The following HIBADH variants were observed in gnomAD, a reference collection of about 807,000 sequenced individuals.
HIBADH encodes 3-hydroxyisobutyrate dehydrogenase, also known as 3-hydroxyisobutyrate dehydrogenase, mitochondrial.
A neutral mutation model predicts 36.1 loss-of-function variants in HIBADH; 25 were observed. The ratio of observed to expected loss-of-function variants is 0.69; its 90% CI spans 0.50 to 0.97. The LOEUF (loss-of-function observed/expected upper bound fraction) is 0.97. Among genes scored for constraint, HIBADH ranks in the 50% least tolerant of loss-of-function variants. The pLI is 0.00. For missense variants in HIBADH, 421 were observed against 418.0 expected (o/e 1.01, Z -0.06); for synonymous variants, 160 against 149.5 (o/e 1.07, Z -0.51).
At chr7:27,592,726 T>C (rs1784959216) in intron 4 of HIBADH, among the ~76,000 whole-genome samples, 1 of 152,236 alleles carries the variant, frequency 6.6e-6, no homozygotes, top group Non-Finnish European at 1.5e-5. Flanking sequence ...TCCCAGCTTT[T>C]ACTCACACCC....
chr7:27,662,262 T>C (rs1786438108), intron 1 of HIBADH, among the ~76,000 whole-genome samples: 1 of 152,148 alleles, frequency 6.6e-6, no homozygotes, highest in Non-Finnish European at 1.5e-5. Context: ...CAGGCCCTGC[T>C]GCCCAAGTGT....
At position 27,531,333 on chromosome 7, in the gene HIBADH, T is replaced by C; in HGVS notation, c.711A>G (p.Pro237=). The change falls in exon 7 of 8, where the codon CCA becomes CCG. Residue 237 remains proline (P), a synonymous_variant. Transcript: ENST00000265395. ...MNLGIRLGLD[P]KLLAKILNMS... Reference sequence around the variant, plus strand: ...TATTTAGGATTTTAGCCAGTAGTTTTGGGTCAAGCCCTAACCTGTCAAAGG... The same window carrying C: ...TATTTAGGATTTTAGCCAGTAGTTTCGGGTCAAGCCCTAACCTGTCAAAGG... The C allele has an allele frequency of 6.2e-7, 1 of 1,612,938 alleles. No individual in the cohort carries two copies. The highest frequency in any genetic ancestry group is 1.7e-4 in the Middle Eastern group (1 of 6,056).
At chr7:27,622,861 G>T (rs1054647543) in intron 4 of HIBADH, among the ~76,000 whole-genome samples, 1 of 152,080 alleles carries the variant, frequency 6.6e-6, no homozygotes, top group African/African-American at 2.4e-5. Flanking sequence ...TAATCTTTTT[G>T]AAACTATTCC....
At chr7:27,566,035 T>C (rs1784543432) in intron 4 of HIBADH, among the ~76,000 whole-genome samples, 1 of 152,162 alleles carries the variant, frequency 6.6e-6, no homozygotes, top group South Asian at 2.1e-4. Flanking sequence ...CATGGCTGTA[T>C]TGTTCTTTTT....
intron 2 of HIBADH, among the ~76,000 whole-genome samples, chr7:27,638,259 G>C (rs886608727): frequency 9.1e-6 from 1 of 110,284 alleles, no homozygotes; most frequent in African/African-American, 3.5e-5. Flanking sequence ...ACAGAATAAA[G>C]TACAGAAACA....
intron 1 of HIBADH, among the ~76,000 whole-genome samples, chr7:27,661,585 CAAAAAA>C (rs61214015): frequency 6.0e-4 from 41 of 68,746 alleles, no homozygotes; most frequent in African/African-American, 1.7e-3. Context: ...GACCCTGTCT[CAAAAAA>C]AAAAAAAAAA....
chr7:27,526,343 G>A lies in HIBADH; in HGVS notation c.882C>T (p.Thr294=). 1.2e-6 allele frequency: 2 copies of A among 1,612,692 alleles called. No homozygotes were observed. Among genetic ancestry groups the A allele is most frequent in the Non-Finnish European group, 1.7e-6 (2 of 1,179,388 alleles). ...KDLGLAQDSA[T]STKSPILLGS... is the part of the protein sequence containing the mutation. ...CAAGAAGGATTGGGCTCTTTGTGCT[G>A]GTAGCAGAGTCTTGTGCCAATCCCA... is the stretch of plus-strand genomic sequence containing the variant. The change falls in exon 8 of 8, where the codon ACC becomes ACT. Residue 294 remains threonine (T), a synonymous_variant. Transcript: ENST00000265395.
intron 3 of HIBADH, among the ~76,000 whole-genome samples, chr7:27,631,050 G>T (rs532668446): frequency 1.6e-4 from 25 of 152,292 alleles, no homozygotes; most frequent in African/African-American, 5.8e-4. Flanking sequence ...GCAAATTATA[G>T]TTCAATGTAA....
At chr7:27,551,057 G>C (rs147279910) in intron 4 of HIBADH, among the ~76,000 whole-genome samples, 3 of 152,134 alleles carry the variant, frequency 2.0e-5, no homozygotes, top group African/African-American at 7.2e-5. Flanking sequence ...GCTCAGTTTG[G>C]CCAATCTACA....
intron 4 of HIBADH, among the ~76,000 whole-genome samples, chr7:27,560,788 A>G (rs1784452785): frequency 6.6e-6 from 1 of 152,178 alleles, no homozygotes; most frequent in Non-Finnish European, 1.5e-5. Flanking sequence ...TGCTATGAAC[A>G]TATGTGCTTT....
chr7:27,630,297 C>T (rs1233289114), intron 3 of HIBADH, among the ~76,000 whole-genome samples: 2 of 152,052 alleles, frequency 1.3e-5, no homozygotes, highest in Admixed American at 6.6e-5. Flanking sequence ...CCACCATACC[C>T]GTCTAAGTTT....
chr7:27,531,119 A>G (rs1283926631), intron 7 of HIBADH, 73 bp downstream of exon 7: 1 of 1,407,552 alleles, frequency 7.1e-7, no homozygotes, highest in African/African-American at 1.4e-5. Flanking sequence ...CTTTATTAAG[A>G]GAAAGAGAAG....
chr7:27,613,897 T>C (rs1417760004), intron 4 of HIBADH, among the ~76,000 whole-genome samples: 1 of 152,140 alleles, frequency 6.6e-6, no homozygotes, highest in Non-Finnish European at 1.5e-5. Context: ...TGGGCCCCAG[T>C]GATTTGCCCA....
In HIBADH at chr7:27,662,837, G is replaced by C; in HGVS notation, c.-49C>G. ...GGTGACCTCCGCCGCCTCCCGGAGG[G>C]CCCACAGACTGCGAGCGTGTGCAGC... is the stretch of plus-strand genomic sequence containing the variant. On this transcript the variant is annotated 5_prime_UTR_variant, in exon 1 of 8. Coordinates refer to ENST00000265395, the MANE Select transcript of HIBADH (RefSeq NM_152740.4). 1 of 1,361,022 alleles carries C rather than the reference G, an allele frequency of 7.3e-7. No individual in the cohort carries two copies. The highest frequency in any genetic ancestry group is 9.8e-7 in the Non-Finnish European group (1 of 1,023,268). The allele number at this position is 1,361,022 out of a possible 1,614,324, so 84.3% of individuals were successfully genotyped here.
At chr7:27,658,496 C>T (rs1339057615) in intron 1 of HIBADH, among the ~76,000 whole-genome samples, 2 of 152,164 alleles carry the variant, frequency 1.3e-5, no homozygotes, top group Non-Finnish European at 2.9e-5. Context: ...TTATCCGTAT[C>T]TTGATAACCT....
chr7:27,553,167 T>G (rs960087091), intron 4 of HIBADH, among the ~76,000 whole-genome samples: 48 of 152,128 alleles, frequency 3.2e-4, no homozygotes, highest in African/African-American at 1.1e-3. Flanking sequence ...AATAGAAAAG[T>G]TGTTAACTCT....
chr7:27,557,887 T>A (rs1403045413), intron 4 of HIBADH, among the ~76,000 whole-genome samples: 1 of 152,238 alleles, frequency 6.6e-6, no homozygotes, highest in Non-Finnish European at 1.5e-5. Context: ...GAAGACTACA[T>A]AAGATTTGTC....
chr7:27,532,435 C>G (rs983079087), intron 6 of HIBADH, among the ~76,000 whole-genome samples: 1 of 152,208 alleles, frequency 6.6e-6, no homozygotes, highest in African/African-American at 2.4e-5. Context: ...ATTGTTTACT[C>G]TGTGTGTCTA....
At chr7:27,559,936 TAA>T (rs1784441667) in intron 4 of HIBADH, among the ~76,000 whole-genome samples, 1 of 152,254 alleles carries the variant, frequency 6.6e-6, no homozygotes, top group East Asian at 1.9e-4. Context: ...CGTAAATTTC[TAA>T]AGATTTTGCC....
Sources: gnomAD v4.1 joint callset for allele counts (sites outside exome capture counted in the v4.1 genomes callset) on GRCh38, gnomAD v4.1.1 for gene constraint, MANE v1.5 for transcripts, NCBI Gene and HGNC (gene_info 2026-07-23, HGNC 2026-07-21) for gene names.